Variants in SAR1A observed in about 807,000 individuals in gnomAD.
SAR1A encodes the protein secretion associated Ras related GTPase 1A.
A neutral mutation model predicts 22.6 loss-of-function variants in SAR1A; 6 were observed. The observed-to-expected ratio is 0.27, with a 90% CI of 0.15 to 0.52. The LOEUF is 0.52. Ranked by LOEUF, SAR1A falls within the 20% of genes least tolerant of loss-of-function variation. The pLI is 0.96. For missense variants in SAR1A, 145 were observed against 245.1 expected, an observed-to-expected ratio of 0.59 and a Z score of 2.73; for synonymous variants, 70 against 82.2, an observed-to-expected ratio of 0.85 and a Z score of 0.80.
chr10:70,157,274 C>A (rs990961398), intron 5 of SAR1A, among the ~76,000 whole-genome samples: 1 of 151,818 alleles, frequency 6.6e-6, no homozygotes, highest in African/African-American at 2.4e-5. Context: ...CGTGGTGGCA[C>A]GTGCCTGTAG....
At chr10:70,159,976 G>C (rs1839446792) in intron 4 of SAR1A, among the ~76,000 whole-genome samples, 1 of 152,170 alleles carries the variant, frequency 6.6e-6, no homozygotes, top group Admixed American at 6.5e-5. Flanking sequence ...GAAATGGATA[G>C]AATATACAAA....
At chr10:70,158,776 C>G (rs1482930063) in intron 4 of SAR1A, among the ~76,000 whole-genome samples, 1 of 97,416 alleles carries the variant, frequency 1.0e-5, no homozygotes, top group Non-Finnish European at 2.0e-5. Context: ...AAAAAGGAAA[C>G]CTCCAGATGT....
intron 1 of SAR1A, among the ~76,000 whole-genome samples, chr10:70,169,508 G>C (rs567791337): frequency 6.6e-6 from 1 of 152,154 alleles, no homozygotes; most frequent in Admixed American, 6.5e-5. Flanking sequence ...GAAAACTTGC[G>C]AATTCCAGGG....
intron 1 of SAR1A, among the ~76,000 whole-genome samples, chr10:70,163,453 T>C (rs1489483770): frequency 6.6e-6 from 1 of 152,180 alleles, no homozygotes; most frequent in Non-Finnish European, 1.5e-5. Flanking sequence ...CTGACTCTCT[T>C]GTTATGGGCT....
intron 5 of SAR1A, 118 bp downstream of exon 5, chr10:70,157,646 C>T: frequency 1.5e-6 from 1 of 657,700 alleles, no homozygotes; most frequent in Non-Finnish European, 2.6e-6. Context: ...GTCTTTTTGC[C>T]AAATGTTAAC....
rs949880363 is a variant in SAR1A, at chr10:70,149,049, C to T, written c.*3427G>A. ...CATTTGCCCATACAACCCATGGCAT[C>T]CTTTCACAGTAACAAGGACAACAGG... On this transcript the variant is annotated 3_prime_UTR_variant, in exon 7 of 7. Coordinates refer to ENST00000373241, the MANE Select transcript of SAR1A (RefSeq NM_020150.5). The T allele has an allele frequency of 1.3e-5, 2 of 152,234 alleles. No individual in the cohort carries two copies. The highest frequency in any genetic ancestry group is 4.8e-5 in the African/African-American group (2 of 41,426). 9.4% of individuals were successfully genotyped at this position (152,234 alleles called of 1,614,324 possible). A position where few individuals can be genotyped will look rare whatever the true frequency, so the allele number is the denominator to read the frequency against.
chr10:70,157,798 T>C lies in SAR1A; in HGVS notation c.314A>G (p.His105Arg). The C allele has an allele frequency of 6.2e-7, 1 of 1,613,854 alleles. No homozygotes were observed. Among genetic ancestry groups the C allele is most frequent in the South Asian group, 1.1e-5 (1 of 91,052 alleles). The change falls in exon 5 of 7, where the codon CAT becomes CGT. Residue 105 changes from histidine (H) to arginine (R), a missense_variant. Coordinates refer to ENST00000373241, the MANE Select transcript of SAR1A (RefSeq NM_020150.5). ...GIVFLVDCAD[H>R]SRLVESKVEL... Reference sequence around the variant, plus strand: ...AACTTTGGATTCCACGAGGCGAGAATGATCTGCACAGTCCACCAGAAAGAC... The same window carrying C: ...AACTTTGGATTCCACGAGGCGAGAACGATCTGCACAGTCCACCAGAAAGAC...
intron 1 of SAR1A, 40 bp from the exon 2 acceptor site, chr10:70,161,971 A>G (rs1839472906): frequency 2.1e-6 from 3 of 1,399,290 alleles, no homozygotes; most frequent in African/African-American, 2.8e-5. Context: ...AGCTTTCTGA[A>G]TGACAGTACA....
intron 4 of SAR1A, 134 bp downstream of exon 4, chr10:70,160,870 A>C: frequency 1.6e-6 from 1 of 621,822 alleles, no homozygotes; most frequent in Non-Finnish European, 2.8e-6. Context: ...AAACAACTTC[A>C]CTAAAGTAAT....
chr10:70,154,901 C>G (rs547727515), intron 5 of SAR1A, among the ~76,000 whole-genome samples: 1 of 152,300 alleles, frequency 6.6e-6, no homozygotes, highest in African/African-American at 2.4e-5. Context: ...TAGAAAAGAT[C>G]TGGAACCTAA....
intron 5 of SAR1A, chr10:70,155,110 G>A: frequency 1.9e-6 from 1 of 528,066 alleles, no homozygotes; most frequent in South Asian, 1.4e-5. Flanking sequence ...TGTGAGAAGT[G>A]AGCTGCAATA....
intron 6 of SAR1A, 23 bp downstream of exon 6, chr10:70,153,815 T>C: frequency 6.4e-7 from 1 of 1,566,172 alleles, no homozygotes; most frequent in Non-Finnish European, 8.6e-7. Context: ...CCTTTATATG[T>C]AACCCAAATA....
At chr10:70,162,893 T>C (rs528632663) in intron 1 of SAR1A, 49 of 152,420 alleles carry the variant, frequency 3.2e-4, no homozygotes, top group African/African-American at 1.1e-3. Context: ...TCATGATCTA[T>C]GATCAGTGAT....
At chr10:70,168,352 T>C (rs1839579053) in intron 1 of SAR1A, among the ~76,000 whole-genome samples, 1 of 152,216 alleles carries the variant, frequency 6.6e-6, no homozygotes, top group East Asian at 1.9e-4. Flanking sequence ...CCCAGCACTT[T>C]GGGAGGCCGA....
intron 1 of SAR1A, among the ~76,000 whole-genome samples, chr10:70,169,587 T>G (rs1409937263): frequency 6.6e-6 from 1 of 152,156 alleles, no homozygotes; most frequent in Non-Finnish European, 1.5e-5. Flanking sequence ...ATTTAAAAAT[T>G]TACGCATTAC....
intron 1 of SAR1A, chr10:70,166,839 A>AT (rs1839559339): frequency 6.6e-6 from 1 of 151,592 alleles, no homozygotes; most frequent in Non-Finnish European, 1.5e-5. Context: ...AAAAAAAAAA[A>AT]AAAAATTAAA....
chr10:70,167,271 G>A lies in SAR1A; in HGVS notation c.-17+3142C>T, dbSNP rs527469252. Among the ~76,000 whole-genome samples the A allele has an allele frequency of 3.9e-5, 6 of 151,970 alleles. No homozygotes were observed. The South Asian group carries it at 1.0e-3, about 26-fold the overall frequency. ...ATTTTTGCTTTAGTATCTCAGATGC[G>A]GTGCAGAAAAATGGAAGGTCCACAC... On this transcript the variant is annotated intron_variant, in intron 1 of 6. Coordinates refer to ENST00000373241, the MANE Select transcript of SAR1A (RefSeq NM_020150.5).
At chr10:70,165,264 C>CAAAAA (rs34191043) in intron 1 of SAR1A, among the ~76,000 whole-genome samples, 3 of 92,896 alleles carry the variant, frequency 3.2e-5, no homozygotes, top group Middle Eastern at 5.3e-3. Context: ...GACTCCGTCT[C>CAAAAA]AAAAAAAAAA....
chr10:70,170,367 C>G (rs918157894), intron 1 of SAR1A, 46 bp downstream of exon 1: 27 of 151,004 alleles, frequency 1.8e-4, no homozygotes, highest in Admixed American at 1.8e-3. Flanking sequence ...TCCGTCCCAG[C>G]CCCTCGAGCC....
Sources: allele counts gnomAD v4.1 joint callset (sites outside exome capture counted in the v4.1 genomes callset), GRCh38; gene constraint gnomAD v4.1.1; transcripts MANE v1.5; gene names NCBI Gene and HGNC (gene_info 2026-07-23, HGNC 2026-07-21).